Variants in MAP7D2 observed in about 807,000 individuals in gnomAD.
The protein encoded by MAP7D2 is MAP7 domain-containing protein 2.
Under a neutral mutation model 63.5 loss-of-function variants are expected in MAP7D2, and 33 were observed. That is an observed-to-expected ratio of 0.52 (90% confidence interval 0.39 to 0.70). MAP7D2 has a LOEUF of 0.70. MAP7D2 is among the 30% of genes least tolerant of loss of function. The probability of loss-of-function intolerance (pLI) is 0.00; values close to 1 mark genes in which losing one functional copy is unlikely to be tolerated. For synonymous variants in MAP7D2, 224 were observed against 223.7 expected (o/e 1.00, Z -0.01); for missense variants, 626 against 604.0 (o/e 1.04, Z -0.38).
intron 8 of MAP7D2, among the ~76,000 whole-genome samples, chrX:20,040,609 A>G (rs1248771979): frequency 1.8e-5 from 2 of 111,108 alleles, no homozygotes; most frequent in Non-Finnish European, 3.8e-5. Flanking sequence ...CCTCATTTCA[A>G]TATTACTCTG....
chrX:20,015,997 C>T (rs2073372391), intron 11 of MAP7D2, 97 bp downstream of exon 11: 6 of 761,755 alleles, frequency 7.9e-6, no homozygotes, highest in Non-Finnish European at 1.2e-5. Flanking sequence ...GAAGAAACTT[C>T]AAGTAAACAT....
At chrX:20,045,806 C>T (rs2064785367) in intron 6 of MAP7D2, among the ~76,000 whole-genome samples, 1 of 111,259 alleles carries the variant, frequency 9.0e-6, no homozygotes, top group South Asian at 3.8e-4. Context: ...AAAACAGCAG[C>T]TGAGCTGTTT....
intron 3 of MAP7D2, among the ~76,000 whole-genome samples, chrX:20,058,255 C>G (rs772552742): frequency 8.9e-6 from 1 of 112,536 alleles, no homozygotes; most frequent in East Asian, 2.8e-4. Flanking sequence ...AACTTCTCTG[C>G]CATGTGATGC....
rs2065077141 is a variant in MAP7D2 at position 20,056,700 on chromosome X, A to G, written c.464T>C (p.Ile155Thr). 5.8e-6 allele frequency: 7 copies of G among 1,208,431 alleles called. No individual in the cohort carries two copies. The highest frequency in any genetic ancestry group is 7.8e-6 in the Non-Finnish European group (7 of 894,030). ...CTCACCATCATGTCCTCCGGGTCCA[A>G]TGGCCAGTGGTGCTCCCCACGAATA... ...KKYSWGAPLA[I>T]GPGGHDACDK... The change falls in exon 4 of 17, where the codon ATT becomes ACT. Residue 155 changes from isoleucine (I) to threonine (T), a missense_variant. Physicochemically the swap from Ile to Thr is moderately conservative, Grantham distance 89. Coordinates refer to ENST00000379643, the MANE Select transcript of MAP7D2 (RefSeq NM_001168465.2).
chrX:20,070,008 G>C (rs1432023218), intron 1 of MAP7D2, among the ~76,000 whole-genome samples: 2 of 111,167 alleles, frequency 1.8e-5, no homozygotes, highest in Non-Finnish European at 3.8e-5. Flanking sequence ...GAGTGCAGTG[G>C]TGCGATCTTG....
Position 20,075,753 on chromosome X carries a change from C to T in MAP7D2, c.131-10948G>A, listed in dbSNP as rs1480699453. Among the ~76,000 whole-genome samples, 3 of 112,126 alleles carry T rather than the reference C, an allele frequency of 2.7e-5. No homozygotes were observed. In the Admixed American group the frequency reaches 2.8e-4, roughly 11 times the overall value. ...CTGAATTCTATTTCTTCGACTATTA[C>T]ATGAAGTTCTGGTATTTATTTGGGA... On this transcript the variant is annotated intron_variant, in intron 1 of 16. Coordinates refer to ENST00000379643, the MANE Select transcript of MAP7D2 (RefSeq NM_001168465.2).
At chrX:20,052,680 G>A (rs1480980639) in intron 5 of MAP7D2, among the ~76,000 whole-genome samples, 198 bp downstream of exon 5, 1 of 111,970 alleles carries the variant, frequency 8.9e-6, no homozygotes, top group Non-Finnish European at 1.9e-5. Flanking sequence ...ATTCAACAAC[G>A]ACCTGGCTCT....
chrX:20,106,247 A>G (rs2066562743), intron 1 of MAP7D2, among the ~76,000 whole-genome samples: 2 of 112,025 alleles, frequency 1.8e-5, no homozygotes, highest in African/African-American at 3.2e-5. Context: ...TCCACAGTCT[A>G]TCAGGTCCCC....
At position 20,116,784 on chromosome X, in the gene MAP7D2, C is replaced by T. The variant is rs142065916; in HGVS notation, c.96G>A (p.Ala32=). Residue 32 remains alanine, a synonymous_variant, in exon 1 of 17, where the codon GCG becomes GCA. Transcript: ENST00000379643. ...GGTAGTTGGGCTGAGAGGTCCGCAC[C>T]GCGCCCGGTTCTGCGATCTTCCCTG... ...SLPGKIAEPG[A]VRTSQPNYRP... The T allele has an allele frequency of 5.9e-6, 7 of 1,189,635 alleles. No homozygotes were observed. In the Admixed American group the frequency reaches 1.6e-4, roughly 27 times the overall value.
At chrX:20,055,401 T>C (rs1381320512) in intron 4 of MAP7D2, among the ~76,000 whole-genome samples, 3 of 111,846 alleles carry the variant, frequency 2.7e-5, no homozygotes, top group African/African-American at 9.8e-5. Flanking sequence ...TAATCAGAAA[T>C]GCCCTGCTTC....
chrX:20,051,876 T>C (rs1221329988), intron 5 of MAP7D2, among the ~76,000 whole-genome samples: 2 of 112,418 alleles, frequency 1.8e-5, no homozygotes, highest in Admixed American at 9.5e-5. Context: ...TTTGAATGTA[T>C]TATATATGGC....
intron 10 of MAP7D2, among the ~76,000 whole-genome samples, chrX:20,019,557 CCT>C (rs2073557825): frequency 8.9e-6 from 1 of 111,945 alleles, no homozygotes; most frequent in Non-Finnish European, 1.9e-5. Flanking sequence ...TCTGTCGCTC[CCT>C]GTTAACCTTC....
chrX:20,077,531 G>C (rs746918504), intron 1 of MAP7D2, among the ~76,000 whole-genome samples: 1 of 112,325 alleles, frequency 8.9e-6, no homozygotes, highest in Non-Finnish European at 1.9e-5. Flanking sequence ...CTATAAAATG[G>C]AGATAAGAGT....
At chrX:20,110,112 A>G (rs2066699018) in intron 1 of MAP7D2, among the ~76,000 whole-genome samples, 1 of 105,369 alleles carries the variant, frequency 9.5e-6, no homozygotes, top group Non-Finnish European at 1.9e-5. Context: ...TTTTTTGGTC[A>G]TTATTCCCAA....
chrX:20,013,531 A>C, intron 13 of MAP7D2, 38 bp downstream of exon 13: 1 of 1,085,346 alleles, frequency 9.2e-7, no homozygotes, highest in Non-Finnish European at 1.3e-6. Context: ...TTTTCTACTT[A>C]GTACATAAAC....
intron 8 of MAP7D2, among the ~76,000 whole-genome samples, chrX:20,032,955 A>T (rs1439142991): frequency 8.9e-6 from 1 of 112,309 alleles, no homozygotes; most frequent in Non-Finnish European, 1.9e-5. Flanking sequence ...CAGAGAAGCC[A>T]TAGTAGGCAC....
chrX:20,072,703 C>A (rs1356460353), intron 1 of MAP7D2, among the ~76,000 whole-genome samples: 1 of 111,913 alleles, frequency 8.9e-6, no homozygotes, highest in South Asian at 3.8e-4. Context: ...CACAGACACA[C>A]ACAAAAATAA....
chrX:20,035,784 G>A lies in MAP7D2; in HGVS notation c.1007+6718C>T, dbSNP rs748306720. 1.1e-4 allele frequency among the ~76,000 whole-genome samples: 12 copies of A among 110,016 alleles called. No homozygotes were observed. In the South Asian group the frequency reaches 2.0e-3, roughly 19 times the overall value. On this transcript the variant is annotated intron_variant, in intron 8 of 16. Transcript: ENST00000379643. ...AAAAATTAGGTGGGTGTGGTGGCGC[G>A]CACCAGTAGTCCCAGCTATTTGGGA...
At chrX:20,062,827 G>A (rs780079364) in intron 3 of MAP7D2, among the ~76,000 whole-genome samples, 6 of 111,973 alleles carry the variant, frequency 5.4e-5, no homozygotes, top group East Asian at 2.8e-4. Context: ...CAATTAAAGC[G>A]AAGAACTACA....
Sources: gnomAD v4.1 joint callset for allele counts (sites outside exome capture counted in the v4.1 genomes callset) on GRCh38, gnomAD v4.1.1 for gene constraint, MANE v1.5 for transcripts, NCBI Gene and HGNC (gene_info 2026-07-23, HGNC 2026-07-21) for gene names.